Variants in GPD2 observed in about 807,000 individuals in gnomAD.
The protein encoded by GPD2 is glycerol-3-phosphate dehydrogenase 2, also known as glycerol-3-phosphate dehydrogenase, mitochondrial.
Under a neutral mutation model 82.4 loss-of-function variants are expected in GPD2, and 54 were observed. That is an observed-to-expected ratio of 0.66 (90% CI 0.53 to 0.82). The LOEUF (loss-of-function observed/expected upper bound fraction) is 0.82. GPD2 is among the 40% of genes least tolerant of loss of function. The probability of loss-of-function intolerance (pLI) is 0.00; values close to 1 mark genes in which losing one functional copy is unlikely to be tolerated. For synonymous variants in GPD2, 288 were observed against 306.1 expected, an observed-to-expected ratio of 0.94 and a Z score of 0.62; for missense variants, 748 against 896.2, an observed-to-expected ratio of 0.83 and a Z score of 2.11.
intron 2 of GPD2, among the ~76,000 whole-genome samples, chr2:156,482,626 TA>T (rs1683773436): frequency 6.6e-6 from 1 of 152,204 alleles, no homozygotes; most frequent in Non-Finnish European, 1.5e-5. Context: ...GCAATTAAAC[TA>T]ATTTCTTCTT....
intron 1 of GPD2, among the ~76,000 whole-genome samples, chr2:156,441,128 G>T (rs1440979831): frequency 6.6e-6 from 1 of 152,198 alleles, no homozygotes; most frequent in Non-Finnish European, 1.5e-5. Context: ...TTCTGAGTTG[G>T]TGAATACATG....
chr2:156,431,020 A>G (rs199999633), upstream of GPD2, among the ~76,000 whole-genome samples: 8 of 152,366 alleles, frequency 5.3e-5, no homozygotes, highest in East Asian at 1.3e-3. Flanking sequence ...AGATAAATGA[A>G]TGGTGGACCA....
At chr2:156,511,270 G>A (rs1361435496) in intron 4 of GPD2, among the ~76,000 whole-genome samples, 2 of 152,162 alleles carry the variant, frequency 1.3e-5, no homozygotes, top group Non-Finnish European at 2.9e-5. Flanking sequence ...TAATGCAGGG[G>A]GAGTGCGAAA....
Position 156,575,844 on chromosome 2 carries a change from A to G in GPD2, c.1768-3045A>G, listed in dbSNP as rs74737846. ...GTTAAATGACAGTGTTGGCCTCAGAAGAGGTCTCTGGTAGTAAGTCATAAG... is the reference window on the plus strand; with the variant it reads ...GTTAAATGACAGTGTTGGCCTCAGAGGAGGTCTCTGGTAGTAAGTCATAAG... On this transcript the variant is annotated intron_variant, in intron 13 of 16. Coordinates refer to ENST00000438166, the MANE Select transcript of GPD2 (RefSeq NM_000408.5). 3.3e-5 allele frequency among the ~76,000 whole-genome samples: 5 copies of G among 152,330 alleles called. No individual in the cohort carries two copies. In the East Asian group the frequency reaches 9.6e-4, roughly 29 times the overall value.
At chr2:156,522,131 C>T (rs986518761) in intron 6 of GPD2, among the ~76,000 whole-genome samples, 6 of 152,030 alleles carry the variant, frequency 3.9e-5, no homozygotes, top group African/African-American at 1.5e-4. Context: ...CCCAGGCTAA[C>T]ATCCAGCATA....
In GPD2 at chr2:156,557,593, A is replaced by C. The variant is rs375507174; in HGVS notation, c.1165+11A>C. 4.7e-6 allele frequency: 7 copies of C among 1,483,320 alleles called. No homozygotes were observed. In the African/African-American group the frequency reaches 8.3e-5, roughly 18 times the overall value. The allele number at this position is 1,483,320 out of a possible 1,614,324, so 91.9% of individuals were successfully genotyped here. ...GTTGTGATGTTGAAGGTAACTAAGC[A>C]TTCCTTTAAGTTTGTCTCTCTGTGT... On this transcript the variant is annotated intron_variant, in intron 9 of 16. Coordinates refer to ENST00000438166, the MANE Select transcript of GPD2 (RefSeq NM_000408.5).
At chr2:156,500,958 T>C (rs1461447231) in intron 3 of GPD2, among the ~76,000 whole-genome samples, 1 of 152,220 alleles carries the variant, frequency 6.6e-6, no homozygotes, top group Non-Finnish European at 1.5e-5. Context: ...GACAGAAGCA[T>C]GTCCCAAAAG....
chr2:156,507,877 G>A (rs376418995), intron 3 of GPD2, among the ~76,000 whole-genome samples: 7 of 152,078 alleles, frequency 4.6e-5, no homozygotes, highest in African/African-American at 1.2e-4. Flanking sequence ...CACATGAAGC[G>A]TTTGCCTTCT....
At chr2:156,465,335 C>A (rs1167357567) in intron 1 of GPD2, among the ~76,000 whole-genome samples, 2 of 142,404 alleles carry the variant, frequency 1.4e-5, no homozygotes, top group Non-Finnish European at 3.1e-5. Context: ...AGGACTTTTT[C>A]TTTTCTTTTC....
At chr2:156,562,873 C>T (rs2105353998) in intron 9 of GPD2, among the ~76,000 whole-genome samples, 1 of 152,230 alleles carries the variant, frequency 6.6e-6, no homozygotes, top group South Asian at 2.1e-4. Context: ...ACAAATGATT[C>T]TTAAACATGA....
chr2:156,401,080 G>A, the GPD2 span, among the ~76,000 whole-genome samples: 4 of 152,160 alleles, frequency 2.6e-5, no homozygotes, highest in Non-Finnish European at 5.9e-5. Flanking sequence ...AGTGTTTAAA[G>A]GCCCTGTTAT....
At chr2:156,571,910 A>G (rs1558968562) in intron 13 of GPD2, among the ~76,000 whole-genome samples, 1 of 152,158 alleles carries the variant, frequency 6.6e-6, no homozygotes, top group South Asian at 2.1e-4. Flanking sequence ...TTCTGTATTC[A>G]TTGGGTTCTG....
At chr2:156,520,791 G>A (rs946875706) in intron 6 of GPD2, among the ~76,000 whole-genome samples, 1 of 152,036 alleles carries the variant, frequency 6.6e-6, no homozygotes, top group African/African-American at 2.4e-5. Flanking sequence ...TCACCATGTT[G>A]CCCAGGGTGG....
chr2:156,539,607 A>C (rs1686226238), intron 6 of GPD2, among the ~76,000 whole-genome samples: 1 of 152,250 alleles, frequency 6.6e-6, no homozygotes, highest in Admixed American at 6.5e-5. Flanking sequence ...GCCTCCAGTT[A>C]GAATTCCCCA....
chr2:156,402,079 G>C, the GPD2 span, among the ~76,000 whole-genome samples: 4 of 152,178 alleles, frequency 2.6e-5, no homozygotes, highest in African/African-American at 9.7e-5. Flanking sequence ...CACTACACAT[G>C]GACTTCAACC....
In GPD2 at chr2:156,571,159, C is replaced by T. The variant is rs1300141340; in HGVS notation, c.1634C>T (p.Ala545Val). 9 of 1,608,904 alleles carry T rather than the reference C, an allele frequency of 5.6e-6. No individual in the cohort carries two copies. The Admixed American group carries it at 1.5e-4, about 27-fold the overall frequency. The change falls in exon 13 of 17, where the codon GCC becomes GTC. Residue 545 changes from alanine to valine, a missense_variant. By Grantham distance (64) the Ala-to-Val change is moderately conservative. This residue lies in a region of GPD2 where 692 missense variants were observed against 809.7 expected (regional missense o/e 0.85). Transcript: ENST00000438166. ...AEVKYGIKEY[A>V]CTAVDMISRR... is the part of the protein sequence containing the mutation. ...GTGAAATATGGGATTAAGGAGTATG[C>T]CTGCACTGCTGTGGATATGATTTCA...
intron 1 of GPD2, among the ~76,000 whole-genome samples, chr2:156,475,869 C>T (rs1186975976): frequency 1.3e-5 from 2 of 152,100 alleles, no homozygotes; most frequent in South Asian, 2.1e-4. Context: ...TTCTTTAATT[C>T]CTGTCGAACC....
At chr2:156,504,816 TAAATC>T (rs1269607575) in intron 3 of GPD2, among the ~76,000 whole-genome samples, 2 of 152,198 alleles carry the variant, frequency 1.3e-5, no homozygotes, top group East Asian at 1.9e-4. Context: ...TGAAAAAAAT[TAAATC>T]AAATATACCA....
At chr2:156,499,793 T>C (rs1037418036) in intron 3 of GPD2, among the ~76,000 whole-genome samples, 1 of 151,476 alleles carries the variant, frequency 6.6e-6, no homozygotes, top group African/African-American at 2.4e-5. Flanking sequence ...AATTATTCTT[T>C]AGGTTGTTTT....
Sources: gnomAD v4.1 joint callset for allele counts (sites outside exome capture counted in the v4.1 genomes callset) on GRCh38, gnomAD v4.1.1 for gene constraint, gnomAD v4.1.1 regional missense constraint, MANE v1.5 for transcripts, NCBI Gene and HGNC (gene_info 2026-07-23, HGNC 2026-07-21) for gene names.